Variants in CSMD1 observed in about 807,000 individuals in gnomAD.
CSMD1 encodes CUB and sushi domain-containing protein 1.
CSMD1 carries 213 observed loss-of-function variants against 417.5 expected under a neutral mutation model. The ratio of observed to expected loss-of-function variants is 0.51; its 90% CI spans 0.46 to 0.57. The LOEUF is 0.57. Among genes scored for constraint, CSMD1 ranks in the 20% least tolerant of loss-of-function variants. CSMD1 has a pLI of 0.00. For missense variants in CSMD1, 6,923 were observed against 4,529.7 expected (o/e 1.53, Z -15.17); for synonymous variants, 2,862 against 1,736.8 (o/e 1.65, Z -16.11).
chr8:3,320,286 C>A (rs1226787802), intron 23 of CSMD1, among the ~76,000 whole-genome samples: 1 of 152,168 alleles, frequency 6.6e-6, no homozygotes, highest in South Asian at 2.1e-4. Flanking sequence ...TTCCCAAATT[C>A]TGTCCCGGAC....
chr8:3,265,180 A>G (rs1020225281), intron 26 of CSMD1, among the ~76,000 whole-genome samples: 7 of 152,218 alleles, frequency 4.6e-5, no homozygotes, highest in African/African-American at 1.4e-4. Flanking sequence ...ACTAGAACCA[A>G]TAACTAAAAA....
At chr8:4,929,272 C>T (rs1031449292) in intron 1 of CSMD1, among the ~76,000 whole-genome samples, 3 of 152,076 alleles carry the variant, frequency 2.0e-5, no homozygotes, top group African/African-American at 7.2e-5. Context: ...CTGCAGACAC[C>T]GTCGTTGTGG....
chr8:3,267,277 A>T (rs1364586710), intron 26 of CSMD1, among the ~76,000 whole-genome samples: 1 of 152,212 alleles, frequency 6.6e-6, no homozygotes, highest in African/African-American at 2.4e-5. Context: ...AAACCCCCTG[A>T]TAGCTTTGCG....
rs113232700 is a variant in CSMD1 at position 4,530,219 on chromosome 8, T to C, written c.302+107123A>G. ...CGAGCCACCGCGCCAGGCCTGCCAT[T>C]GTTATTTGTGACTGCATACCATGCT... On this transcript the variant is annotated intron_variant, in intron 2 of 69. Transcript: ENST00000635120. Among the ~76,000 whole-genome samples, 1,190 of 151,624 alleles carry C rather than the reference T, an allele frequency of 7.8e-3. 15 individuals carry two copies. Among genetic ancestry groups the C allele is most frequent in the African/African-American group, 0.027 (1,098 of 41,428 alleles).
intron 1 of CSMD1, among the ~76,000 whole-genome samples, chr8:4,911,687 A>C (rs1300203293): frequency 1.3e-5 from 2 of 152,328 alleles, no homozygotes; most frequent in East Asian, 3.9e-4. Context: ...ATAGACTGAA[A>C]TAAGTTTTTA....
intron 11 of CSMD1, among the ~76,000 whole-genome samples, chr8:3,474,378 G>T (rs981240053): frequency 6.6e-6 from 1 of 152,164 alleles, no homozygotes; most frequent in African/African-American, 2.4e-5. Context: ...CTCGGGGGAA[G>T]AGGTTTTCCT....
intron 3 of CSMD1, among the ~76,000 whole-genome samples, chr8:4,185,480 G>C (rs1182131791): frequency 6.6e-6 from 1 of 152,062 alleles, no homozygotes; most frequent in Non-Finnish European, 1.5e-5. Context: ...ACTCAATACA[G>C]ATCCATTCAG....
At chr8:4,455,031 G>A (rs28483476) in intron 2 of CSMD1, among the ~76,000 whole-genome samples, 1 of 151,938 alleles carries the variant, frequency 6.6e-6, no homozygotes, top group Non-Finnish European at 1.5e-5. Context: ...TCAGTCCGCT[G>A]TCATCAACAC....
At chr8:4,229,817 G>T (rs58931253) in intron 3 of CSMD1, among the ~76,000 whole-genome samples, 1 of 151,930 alleles carries the variant, frequency 6.6e-6, no homozygotes, top group East Asian at 1.9e-4. Flanking sequence ...CCTCACAAAC[G>T]TATGAATCCC....
At chr8:3,946,928 G>A (rs1021120391) in intron 5 of CSMD1, among the ~76,000 whole-genome samples, 4 of 152,124 alleles carry the variant, frequency 2.6e-5, no homozygotes, top group Non-Finnish European at 1.5e-5. Context: ...CACTTGTTAT[G>A]TCTAGTAACT....
chr8:4,520,497 T>C (rs1256647305), intron 2 of CSMD1, among the ~76,000 whole-genome samples: 2 of 152,106 alleles, frequency 1.3e-5, no homozygotes, highest in Non-Finnish European at 2.9e-5. Flanking sequence ...GGTCACACAG[T>C]ACTAAAGCAG....
chr8:3,061,268 G>C (rs932372827), intron 49 of CSMD1, among the ~76,000 whole-genome samples: 1 of 152,068 alleles, frequency 6.6e-6, no homozygotes, highest in Admixed American at 6.6e-5. Context: ...AAAACATCTG[G>C]ACCCTACTAG....
chr8:4,516,735 T>C (rs1490675909), intron 2 of CSMD1, among the ~76,000 whole-genome samples: 1 of 152,164 alleles, frequency 6.6e-6, no homozygotes, highest in Non-Finnish European at 1.5e-5. Context: ...AATCAATGTC[T>C]TACTAACAAC....
intron 3 of CSMD1, among the ~76,000 whole-genome samples, chr8:4,381,967 ACT>A (rs1803134717): frequency 6.6e-6 from 1 of 151,588 alleles, no homozygotes; most frequent in Non-Finnish European, 1.5e-5. Context: ...CTAAGTGGAC[ACT>A]CTCTGTGGTA....
chr8:4,114,266 A>G (rs1364865102), intron 3 of CSMD1, among the ~76,000 whole-genome samples: 1 of 152,212 alleles, frequency 6.6e-6, no homozygotes, highest in African/African-American at 2.4e-5. Context: ...CTTAAGAATG[A>G]TGCTAAATGC....
At chr8:4,320,494 G>C (rs1472630030) in intron 3 of CSMD1, among the ~76,000 whole-genome samples, 1 of 152,094 alleles carries the variant, frequency 6.6e-6, no homozygotes, top group Non-Finnish European at 1.5e-5. Flanking sequence ...TTTTCCTAAT[G>C]CTATTCCTCC....
chr8:4,642,524 T>C (rs566021099), intron 1 of CSMD1, among the ~76,000 whole-genome samples: 107 of 152,274 alleles, frequency 7.0e-4, no homozygotes, highest in Non-Finnish European at 1.2e-3. Context: ...CTGTGAGCAT[T>C]TGAGGAGTGA....
intron 1 of CSMD1, among the ~76,000 whole-genome samples, chr8:4,650,875 T>C (rs117172776): frequency 0.013 from 1,912 of 152,342 alleles, 16 homozygotes; most frequent in Middle Eastern, 0.024. Flanking sequence ...ATAAAGTATG[T>C]GAACAGAAGT....
At chr8:4,178,474 A>T (rs1798179411) in intron 3 of CSMD1, among the ~76,000 whole-genome samples, 1 of 151,400 alleles carries the variant, frequency 6.6e-6, no homozygotes, top group Non-Finnish European at 1.5e-5. Context: ...AGCCAATATC[A>T]TACTGAATGG....
Sources: allele counts gnomAD v4.1 joint callset (sites outside exome capture counted in the v4.1 genomes callset), GRCh38; gene constraint gnomAD v4.1.1; transcripts MANE v1.5; gene names NCBI Gene and HGNC (gene_info 2026-07-23, HGNC 2026-07-21).